TANC1: variants seen among roughly 807,000 people sequenced by gnomAD.
The protein encoded by TANC1 is protein TANC1.
TANC1 carries 77 observed loss-of-function variants against 149.7 expected under a neutral mutation model. That is an observed-to-expected ratio of 0.51 (90% confidence interval 0.43 to 0.62). The LOEUF (loss-of-function observed/expected upper bound fraction) is 0.62. TANC1 is among the 20% of genes least tolerant of loss of function. TANC1 has a pLI of 0.00. For missense variants in TANC1, 1,985 were observed against 2,321.8 expected, an observed-to-expected ratio of 0.85 and a Z score of 2.98; for synonymous variants, 854 against 925.0, an observed-to-expected ratio of 0.92 and a Z score of 1.39.
intron 2 of TANC1, among the ~76,000 whole-genome samples, chr2:159,039,912 C>T (rs1012988461): frequency 3.9e-5 from 6 of 152,128 alleles, no homozygotes; most frequent in Admixed American, 3.9e-4. Flanking sequence ...TCCTTGTTAA[C>T]CTTCTGTCTC....
intron 19 of TANC1, among the ~76,000 whole-genome samples, chr2:159,202,377 G>A (rs140689838): frequency 3.6e-3 from 541 of 152,266 alleles, no homozygotes; most frequent in Non-Finnish European, 6.0e-3. Context: ...AGGGTTTAGG[G>A]GTTTATTGCA....
intron 17 of TANC1, among the ~76,000 whole-genome samples, chr2:159,195,612 T>A (rs1030326041): frequency 5.3e-5 from 8 of 152,352 alleles, no homozygotes; most frequent in Non-Finnish European, 7.3e-5. Flanking sequence ...TGTGGGAGAT[T>A]TATTTTTTTC....
chr2:159,014,352 C>G (rs1346104751), intron 2 of TANC1, among the ~76,000 whole-genome samples: 1 of 152,180 alleles, frequency 6.6e-6, no homozygotes, highest in Admixed American at 6.5e-5. Context: ...GAGACTTACT[C>G]AGTACCATGA....
chr2:159,004,399 A>G, intron 2 of TANC1: 1 of 1,072,458 alleles, frequency 9.3e-7, no homozygotes, highest in South Asian at 1.3e-5. Context: ...ACAGACACAG[A>G]GAACATCACC....
Position 159,225,708 on chromosome 2 carries a change from G to T in TANC1, c.3832G>T (p.Ala1278Ser). Residue 1278 changes from alanine to serine, a missense_variant, in exon 24 of 27, where the codon GCC becomes TCC. Ala to Ser is a moderately conservative substitution (Grantham distance 99). Transcript: ENST00000263635. The part of the protein sequence containing the change: ...AKLGNAAWAM[A>S]TSKPDILIIL... ...TGCAGGAAATGCTGCTTGGGCGATG[G>T]CCACTTCCAAACCTGATATCTTGAT... The T allele has an allele frequency of 1.2e-6, 2 of 1,614,050 alleles. No individual in the cohort carries two copies. Among genetic ancestry groups the T allele is most frequent in the Non-Finnish European group, 1.7e-6 (2 of 1,179,918 alleles).
intron 2 of TANC1, among the ~76,000 whole-genome samples, chr2:159,044,588 A>G (rs1378720522): frequency 6.6e-6 from 1 of 152,084 alleles, no homozygotes; most frequent in Non-Finnish European, 1.5e-5. Flanking sequence ...CTGGCTGAGA[A>G]TGGTGCCTCC....
intron 19 of TANC1, among the ~76,000 whole-genome samples, chr2:159,202,769 C>A (rs1216228055): frequency 3.9e-5 from 6 of 152,152 alleles, no homozygotes; most frequent in Admixed American, 2.6e-4. Flanking sequence ...TCTCGGCAGC[C>A]TGAAACATGG....
At chr2:159,131,493 GC>G (rs1196545822) in intron 4 of TANC1, among the ~76,000 whole-genome samples, 1 of 151,882 alleles carries the variant, frequency 6.6e-6, no homozygotes, top group African/African-American at 2.4e-5. Context: ...CCCGGGCTGA[GC>G]CCTCATCACT....
chr2:159,118,707 T>TTTGGTAGCC (rs2048548292), intron 4 of TANC1, among the ~76,000 whole-genome samples: 1 of 152,148 alleles, frequency 6.6e-6, no homozygotes, highest in Non-Finnish European at 1.5e-5. Context: ...AAATGTAGCC[T>TTTGGTAGCC]TGATGGTGGA....
chr2:159,108,706 G>T (rs2047427566), intron 4 of TANC1, among the ~76,000 whole-genome samples: 1 of 152,196 alleles, frequency 6.6e-6, no homozygotes, highest in African/African-American at 2.4e-5. Flanking sequence ...GCGTCTGTTG[G>T]CAGGGGTGGC....
intron 5 of TANC1, among the ~76,000 whole-genome samples, chr2:159,143,185 CA>C (rs1427841126): frequency 1.3e-5 from 2 of 151,682 alleles, no homozygotes; most frequent in Non-Finnish European, 2.9e-5. Flanking sequence ...GGAAATTTTA[CA>C]CCTGTCACAT....
intron 19 of TANC1, among the ~76,000 whole-genome samples, chr2:159,200,408 C>T (rs1415692527): frequency 2.0e-5 from 3 of 152,206 alleles, no homozygotes; most frequent in Non-Finnish European, 4.4e-5. Flanking sequence ...CATAGGGTGA[C>T]ACACAGTGAG....
chr2:159,088,879 G>A (rs562988292), intron 3 of TANC1, among the ~76,000 whole-genome samples: 82 of 152,230 alleles, frequency 5.4e-4, no homozygotes, highest in African/African-American at 1.9e-3. Flanking sequence ...GGTACCAAGC[G>A]GTTCACAGAA....
At chr2:159,199,519 T>A (rs1314235475) in intron 19 of TANC1, among the ~76,000 whole-genome samples, 1 of 152,114 alleles carries the variant, frequency 6.6e-6, no homozygotes, top group Non-Finnish European at 1.5e-5. Context: ...CCTCGTGGGG[T>A]TTACTCACAT....
chr2:159,215,991 A>T (rs192861813), intron 19 of TANC1, among the ~76,000 whole-genome samples: 4 of 152,270 alleles, frequency 2.6e-5, no homozygotes, highest in African/African-American at 9.6e-5. Flanking sequence ...ACACCTTGAG[A>T]GTGCCTGCAG....
intron 3 of TANC1, among the ~76,000 whole-genome samples, chr2:159,087,961 C>G (rs996954114): frequency 6.6e-6 from 1 of 150,428 alleles, no homozygotes; most frequent in East Asian, 1.9e-4. Flanking sequence ...AATCTATAAT[C>G]CAAGGAATAT....
At chr2:159,169,437 T>G in intron 9 of TANC1, 65 bp downstream of exon 9, 4 of 1,546,906 alleles carry the variant, frequency 2.6e-6, no homozygotes, top group Non-Finnish European at 3.5e-6. Context: ...TTTGAAAGTC[T>G]GTGATAACCA....
chr2:159,065,637 A>G (rs976936141), intron 2 of TANC1, among the ~76,000 whole-genome samples: 10 of 121,566 alleles, frequency 8.2e-5, no homozygotes, highest in Non-Finnish European at 1.5e-4. Flanking sequence ...AGAATGCACT[A>G]TTGTTTTTTT....
At chr2:159,100,876 T>TA (rs138528114) in intron 4 of TANC1, among the ~76,000 whole-genome samples, 23,109 of 151,222 alleles carry the variant, frequency 0.15, 1,876 homozygotes, top group Non-Finnish European at 0.2. Context: ...TTTTAATAAT[T>TA]TAAAAAAAAA....
Sources: gnomAD v4.1 joint callset for allele counts (sites outside exome capture counted in the v4.1 genomes callset) on GRCh38, gnomAD v4.1.1 for gene constraint, MANE v1.5 for transcripts, NCBI Gene and HGNC (gene_info 2026-07-23, HGNC 2026-07-21) for gene names.